The following ZNF695 variants were observed in gnomAD, a reference collection of about 807,000 sequenced individuals.
ZNF695 encodes the protein zinc finger protein 695.
A neutral mutation model predicts 11.2 loss-of-function variants in ZNF695; 11 were observed. That is an observed-to-expected ratio of 0.98 (90% CI 0.62 to 1.62). The LOEUF is 1.62. Among genes scored for constraint, ZNF695 ranks in the 40% most tolerant of loss-of-function variants. The pLI, the probability that ZNF695 is intolerant of heterozygous loss-of-function variation, is 0.00. For missense variants in ZNF695, 559 were observed against 590.5 expected, an observed-to-expected ratio of 0.95 and a Z score of 0.55; for synonymous variants, 190 against 201.4, an observed-to-expected ratio of 0.94 and a Z score of 0.48.
At chr1:246,991,129 A>C (rs1228472085) in intron 3 of ZNF695, among the ~76,000 whole-genome samples, 4 of 152,200 alleles carry the variant, frequency 2.6e-5, no homozygotes, top group Non-Finnish European at 4.4e-5. Flanking sequence ...TGAAATTAAA[A>C]TTTTAAAACA....
intron 5 of ZNF695, among the ~76,000 whole-genome samples, chr1:246,960,618 A>T (rs1363337554): frequency 1.3e-5 from 2 of 152,204 alleles, no homozygotes; most frequent in South Asian, 4.1e-4. Context: ...TCATTTCTCC[A>T]TAGTTCAAGA....
At chr1:246,974,144 A>AAC (rs1437786154) in intron 4 of ZNF695, among the ~76,000 whole-genome samples, 1 of 106,714 alleles carries the variant, frequency 9.4e-6, no homozygotes, top group African/African-American at 5.8e-5. Context: ...ATTTGGAATA[A>AAC]AAAACAAACA....
intron 3 of ZNF695, among the ~76,000 whole-genome samples, chr1:246,997,142 G>T (rs1356947987): frequency 6.6e-6 from 1 of 151,972 alleles, no homozygotes; most frequent in Non-Finnish European, 1.5e-5. Flanking sequence ...GGGAAGGATT[G>T]CTCGAGGCCA....
intron 3 of ZNF695, among the ~76,000 whole-genome samples, chr1:246,996,535 G>C (rs1032169307): frequency 6.6e-6 from 1 of 151,942 alleles, no homozygotes; most frequent in Non-Finnish European, 1.5e-5. Flanking sequence ...CATGTCTCAA[G>C]AAAAATAAAT....
At chr1:246,984,585 T>C (rs533259339), downstream of ZNF695, among the ~76,000 whole-genome samples, 6 of 152,330 alleles carry the variant, frequency 3.9e-5, no homozygotes, top group South Asian at 1.2e-3. Context: ...TTCACTTCAT[T>C]TATATGCCAA....
Position 246,987,563 on chromosome 1 carries a change from G to C in ZNF695, c.952C>G (p.His318Asp). Residue 318 changes from histidine to aspartate, a missense_variant, in exon 4 of 4, where the codon CAT becomes GAT. His to Asp is a moderately conservative substitution (Grantham distance 81). Coordinates refer to ENST00000339986, the MANE Select transcript of ZNF695 (RefSeq NM_020394.5). ...FPYLTQHKRI[H>D]SREKPYKCEE... is the part of the protein sequence containing the mutation. ...CACTTGTAGGGTTTCTCTCTACTAT[G>C]AATTCTCTTGTGTTGAGTAAGGTAT... 1.3e-6 allele frequency: 2 copies of C among 1,598,064 alleles called. No individual in the cohort carries two copies. Among genetic ancestry groups the C allele is most frequent in the Non-Finnish European group, 1.7e-6 (2 of 1,173,762 alleles).
downstream of ZNF695, among the ~76,000 whole-genome samples, chr1:246,982,731 G>A (rs1024603459): frequency 6.6e-6 from 1 of 152,168 alleles, no homozygotes; most frequent in African/African-American, 2.4e-5. Flanking sequence ...CCAGCACTTT[G>A]GGAGGCCGAG....
intron 3 of ZNF695, among the ~76,000 whole-genome samples, chr1:246,990,297 C>A (rs1271387958): frequency 6.6e-6 from 1 of 151,572 alleles, no homozygotes; most frequent in Non-Finnish European, 1.5e-5. Context: ...AACAAACAAA[C>A]AAAAAAGAGC....
chr1:246,986,076 A>G lies in ZNF695; in HGVS notation c.*891T>C. 1.0e-6 allele frequency: 1 copy of G among 964,438 alleles called. No individual in the cohort carries two copies. Among genetic ancestry groups the G allele is most frequent in the Non-Finnish European group, 1.2e-6 (1 of 810,832 alleles). 59.7% of individuals were successfully genotyped at this position (964,438 alleles called of 1,614,324 possible). A position where few individuals can be genotyped will look rare whatever the true frequency, so the allele number is the denominator to read the frequency against. ...GAGTATACTTTATTATTATGTTGTT[A>G]TTATTATTATTGAGAAAGGGTCTTG... On this transcript the variant is annotated 3_prime_UTR_variant, in exon 4 of 4. Transcript: ENST00000339986.
rs567499163 is a variant in ZNF695 at position 246,945,846 on chromosome 1, G to C, written c.489-19C>G. 2.6e-6 allele frequency: 4 copies of C among 1,549,888 alleles called. No homozygotes were observed. The African/African-American group carries it at 5.5e-5, about 21-fold the overall frequency. ...CTGGACCCTGAAAAAAAGAAAGAAAGAAAAGCAGCTTAAGGTTCCGAGTAG... is the reference window on the plus strand; with the variant it reads ...CTGGACCCTGAAAAAAAGAAAGAAACAAAAGCAGCTTAAGGTTCCGAGTAG... On this transcript the variant is annotated intron_variant, in intron 5 of 5. Transcript: ENST00000487338.
rs1334896441 is a variant in ZNF695 at position 246,986,350 on chromosome 1, G to A, written c.*617C>T. 4 of 984,732 alleles carry A rather than the reference G, an allele frequency of 4.1e-6. No homozygotes were observed. Among genetic ancestry groups the A allele is most frequent in the Admixed American group, 1.2e-4 (2 of 16,254 alleles). The allele number at this position is 984,732 out of a possible 1,614,324, so 61.0% of individuals were successfully genotyped here. Reference sequence around the variant, plus strand: ...CCAAAAGTGCAGCAACTATAGGAAAGAGCCACCGTGCCTGGCACCAAAAGG... The same window carrying A: ...CCAAAAGTGCAGCAACTATAGGAAAAAGCCACCGTGCCTGGCACCAAAAGG... On this transcript the variant is annotated 3_prime_UTR_variant, in exon 4 of 4. Transcript: ENST00000339986.
chr1:246,951,362 G>A (rs556116551), intron 5 of ZNF695, among the ~76,000 whole-genome samples: 4 of 152,310 alleles, frequency 2.6e-5, no homozygotes, highest in East Asian at 1.9e-4. Context: ...AAACAGACAC[G>A]GAGGGGAGAT....
At chr1:247,000,542 T>C (rs915457831) in intron 1 of ZNF695, among the ~76,000 whole-genome samples, 8 of 152,120 alleles carry the variant, frequency 5.3e-5, no homozygotes, top group South Asian at 2.1e-4. Context: ...TATATATATA[T>C]ACACACACTC....
intron 4 of ZNF695, among the ~76,000 whole-genome samples, chr1:246,970,869 C>T (rs142505471): frequency 1.1e-4 from 17 of 152,206 alleles, no homozygotes; most frequent in Non-Finnish European, 2.2e-4. Context: ...CGAGTTCAAG[C>T]GATTCTCCTG....
In ZNF695 at chr1:246,987,496, G is replaced by GT. The variant is rs1387825578; in HGVS notation, c.1018dup (p.Thr340AsnfsTer4). On this transcript the variant is annotated frameshift_variant, in exon 4 of 4. Coordinates refer to ENST00000339986, the MANE Select transcript of ZNF695 (RefSeq NM_020394.5). LOFTEE classifies it low-confidence loss of function (END_TRUNC). ...TCCAGTATGAATTCTTCTATGTTGAGTAAGGTATGACAACAATTTAAAGAC... is the reference window on the plus strand; with the variant it reads ...TCCAGTATGAATTCTTCTATGTTGAGTTAAGGTATGACAACAATTTAAAGAC... 5.6e-6 allele frequency: 9 copies of GT among 1,609,162 alleles called. No individual in the cohort carries two copies. The highest frequency in any genetic ancestry group is 7.6e-6 in the Non-Finnish European group (9 of 1,178,004).
intron 5 of ZNF695, among the ~76,000 whole-genome samples, chr1:246,954,700 G>A (rs1418565299): frequency 1.3e-5 from 2 of 152,108 alleles, no homozygotes; most frequent in African/African-American, 4.8e-5. Context: ...TGTGGAATCT[G>A]GATTAGACGA....
At chr1:246,991,095 A>C (rs1004838594) in intron 3 of ZNF695, among the ~76,000 whole-genome samples, 2 of 152,214 alleles carry the variant, frequency 1.3e-5, no homozygotes, top group African/African-American at 2.4e-5. Flanking sequence ...GAAGAAAAAT[A>C]ATGAAGATCA....
rs796627812 is a variant in ZNF695, at chr1:247,007,364, T to C, written c.3+542A>G. On this transcript the variant is annotated intron_variant, in intron 1 of 3. Transcript: ENST00000339986. ...TACAAAAATTAGCTGGGCGTGGTGG[T>C]GGGCGCCTGTAATTCCAGCTACTCG... 1.6e-4 allele frequency among the ~76,000 whole-genome samples: 24 copies of C among 151,410 alleles called. No individual in the cohort carries two copies. In the South Asian group the frequency reaches 2.1e-3, roughly 13 times the overall value.
chr1:246,962,696 CTT>C (rs1380105431), intron 5 of ZNF695, among the ~76,000 whole-genome samples: 10 of 143,872 alleles, frequency 7.0e-5, no homozygotes, highest in Non-Finnish European at 4.6e-5. Flanking sequence ...TGAAACCTTT[CTT>C]TTTTTTTTTT....
Sources: gnomAD v4.1 joint callset for allele counts (sites outside exome capture counted in the v4.1 genomes callset) on GRCh38, gnomAD v4.1.1 for gene constraint, MANE v1.5 for transcripts, NCBI Gene and HGNC (gene_info 2026-07-23, HGNC 2026-07-21) for gene names.